PDK3: variants seen among roughly 807,000 people sequenced by gnomAD.
PDK3 encodes pyruvate dehydrogenase kinase 3.
PDK3 carries 12 observed loss-of-function variants against 32.0 expected under a neutral mutation model. That is an observed-to-expected ratio of 0.37 (90% CI 0.24 to 0.61). The LOEUF (loss-of-function observed/expected upper bound fraction) is 0.61, where lower values mean the gene tolerates loss of function less well. Among genes scored for constraint, PDK3 ranks in the 20% least tolerant of loss-of-function variants. PDK3 has a pLI of 0.65. For synonymous variants in PDK3, 122 were observed against 116.3 expected (o/e 1.05, Z -0.31); for missense variants, 188 against 316.9 (o/e 0.59, Z 3.09).
chrX:24,506,575 C>T (rs1921982814), intron 5 of PDK3, among the ~76,000 whole-genome samples: 1 of 111,440 alleles, frequency 9.0e-6, no homozygotes, highest in African/African-American at 3.3e-5. Context: ...TTATAACTTG[C>T]ATAGAACCAA....
chrX:24,531,318 C>G (rs1922645098), intron 9 of PDK3, among the ~76,000 whole-genome samples: 1 of 111,794 alleles, frequency 8.9e-6, no homozygotes, highest in Admixed American at 9.5e-5. Context: ...CCTCAGCCTC[C>G]CAAAGTGCTG....
rs950493864 is a variant in PDK3 at position 24,494,976 on chromosome X, C to T, written c.248+93C>T. 4.8e-5 allele frequency: 36 copies of T among 745,663 alleles called. 1 individual carries two copies. The highest frequency in any genetic ancestry group is 2.9e-4 in the Middle Eastern group (1 of 3,419). 61.5% of individuals were successfully genotyped at this position (745,663 alleles called of 1,213,427 possible). A position where few individuals can be genotyped will look rare whatever the true frequency, so the allele number is the denominator to read the frequency against. On this transcript the variant is annotated intron_variant, in intron 2 of 10. Transcript: ENST00000379162. ...TCTCTGTAAAAGTGCACATACTGCCCGTCTAGGTAGGAATGAGTCATTTGG... is the reference window on the plus strand; with the variant it reads ...TCTCTGTAAAAGTGCACATACTGCCTGTCTAGGTAGGAATGAGTCATTTGG...
chrX:24,536,939 C>A (rs1485475615), downstream of PDK3, among the ~76,000 whole-genome samples: 2 of 110,868 alleles, frequency 1.8e-5, no homozygotes, highest in Non-Finnish European at 3.8e-5. Context: ...CTTGAATTGA[C>A]ATACCTTTGG....
chrX:24,506,801 CTT>C (rs10682263), intron 5 of PDK3, among the ~76,000 whole-genome samples: 1 of 49,493 alleles, frequency 2.0e-5, no homozygotes, highest in Non-Finnish European at 3.5e-5. Flanking sequence ...TTTTTTCTTT[CTT>C]TTTTTTTTTT....
downstream of PDK3, among the ~76,000 whole-genome samples, chrX:24,536,028 G>C (rs1433710012): frequency 2.0e-5 from 2 of 101,457 alleles, no homozygotes; most frequent in African/African-American, 7.0e-5. Context: ...GAGGGGAGGG[G>C]AGGGAAGGGA....
intron 1 of PDK3, among the ~76,000 whole-genome samples, chrX:24,484,731 T>C (rs955464047): frequency 8.9e-6 from 1 of 111,759 alleles, no homozygotes; most frequent in African/African-American, 3.3e-5. Flanking sequence ...GTAGCATATT[T>C]TGTATGAGAT....
intron 3 of PDK3, among the ~76,000 whole-genome samples, chrX:24,499,381 C>G (rs902516848): frequency 9.0e-6 from 1 of 111,317 alleles, no homozygotes; most frequent in Non-Finnish European, 1.9e-5. Flanking sequence ...TCCCTTTATG[C>G]ACAGACTGGC....
At chrX:24,501,572 G>C (rs1396578346) in intron 3 of PDK3, among the ~76,000 whole-genome samples, 1 of 112,319 alleles carries the variant, frequency 8.9e-6, no homozygotes, top group African/African-American at 3.2e-5. Flanking sequence ...AAATTAGCCA[G>C]GCGTGGTGGT....
At chrX:24,482,205 G>T (rs1209486135) in intron 1 of PDK3, among the ~76,000 whole-genome samples, 1 of 111,153 alleles carries the variant, frequency 9.0e-6, no homozygotes, top group East Asian at 2.8e-4. Context: ...GTAGAGTGAG[G>T]TTTGTTTGTT....
exon 12 of PDK3, chrX:24,546,566 A>G (rs1233082005): frequency 1.9e-5 from 2 of 107,535 alleles, no homozygotes; most frequent in African/African-American, 3.6e-5. Context: ...CTCTGTTTCT[A>G]TCTTCATGTC....
intron 1 of PDK3, among the ~76,000 whole-genome samples, chrX:24,491,169 C>T (rs1796403175): frequency 9.2e-6 from 1 of 108,999 alleles, no homozygotes; most frequent in African/African-American, 3.3e-5. Context: ...CAAAAATTAG[C>T]CGGGCATGGT....
intron 3 of PDK3, 86 bp downstream of exon 3, chrX:24,498,986 G>A: frequency 3.7e-6 from 2 of 533,538 alleles, no homozygotes; most frequent in Non-Finnish European, 5.8e-6. Context: ...TAAGACTCAA[G>A]GAGTATGAAT....
intron 1 of PDK3, among the ~76,000 whole-genome samples, chrX:24,488,335 T>A (rs1264791558): frequency 4.5e-5 from 5 of 111,822 alleles, no homozygotes; most frequent in Non-Finnish European, 7.5e-5. Flanking sequence ...ACAAAGCAAA[T>A]CATACCTTTT....
At chrX:24,538,910 A>T (rs142405934), downstream of PDK3, among the ~76,000 whole-genome samples, 1 of 112,403 alleles carries the variant, frequency 8.9e-6, no homozygotes, top group African/African-American at 3.2e-5. Context: ...CAGTCACTCT[A>T]TATTTCTAAC....
chrX:24,506,999 CG>C (rs1241606800), intron 5 of PDK3, among the ~76,000 whole-genome samples: 1 of 108,787 alleles, frequency 9.2e-6, no homozygotes, highest in East Asian at 2.9e-4. Context: ...TTAATAGAGA[CG>C]GGGTTTCACC....
intron 7 of PDK3, among the ~76,000 whole-genome samples, chrX:24,526,581 A>G (rs1922529248): frequency 8.9e-6 from 1 of 112,116 alleles, no homozygotes; most frequent in African/African-American, 3.2e-5. Flanking sequence ...TTAGTTTCCA[A>G]ACCTGGCAAA....
chrX:24,514,717 C>T (rs1246555527), intron 5 of PDK3, among the ~76,000 whole-genome samples: 1 of 111,217 alleles, frequency 9.0e-6, no homozygotes, highest in Non-Finnish European at 1.9e-5. Flanking sequence ...TACCCCAGAA[C>T]CTCATAATCA....
At chrX:24,525,464 G>A (rs757041396) in intron 6 of PDK3, among the ~76,000 whole-genome samples, 10 of 112,362 alleles carry the variant, frequency 8.9e-5, no homozygotes, top group Non-Finnish European at 1.3e-4. Context: ...GTAGCTGGTT[G>A]AAATTACAGC....
downstream of PDK3, chrX:24,539,254 G>A (rs1465337959): frequency 3.4e-6 from 2 of 593,220 alleles, no homozygotes; most frequent in East Asian, 3.7e-5. Flanking sequence ...TGCTCTGAGC[G>A]TGGCATCACA....
Sources: allele counts gnomAD v4.1 joint callset (sites outside exome capture counted in the v4.1 genomes callset), GRCh38; gene constraint gnomAD v4.1.1; transcripts MANE v1.5; gene names NCBI Gene and HGNC (gene_info 2026-07-23, HGNC 2026-07-21).